KLHDC10: variants seen among roughly 807,000 people sequenced by gnomAD.
KLHDC10 encodes the protein kelch domain containing 10, also known as kelch domain-containing protein 10.
Under a neutral mutation model 56.1 loss-of-function variants are expected in KLHDC10, and 24 were observed. The ratio of observed to expected loss-of-function variants is 0.43; its 90% confidence interval spans 0.31 to 0.60. The LOEUF (loss-of-function observed/expected upper bound fraction) is 0.60. Ranked by LOEUF, KLHDC10 falls within the 20% of genes least tolerant of loss-of-function variation. KLHDC10 has a pLI of 0.11. For missense variants in KLHDC10, 349 were observed against 567.0 expected (o/e 0.62, Z 3.91); for synonymous variants, 188 against 207.1 (o/e 0.91, Z 0.79).
Position 130,083,507 on chromosome 7 carries a change from C to T in KLHDC10, c.166+12698C>T, listed in dbSNP as rs921308532. 3.3e-5 allele frequency among the ~76,000 whole-genome samples: 5 copies of T among 152,178 alleles called. No homozygotes were observed. In the East Asian group the frequency reaches 9.6e-4, roughly 29 times the overall value. On this transcript the variant is annotated intron_variant, in intron 1 of 9. Coordinates refer to ENST00000335420, the MANE Select transcript of KLHDC10 (RefSeq NM_014997.4). The stretch of plus-strand genomic sequence containing the variant: ...TAAAAACTTGGAATTTCCTGTGCTA[C>T]ACTGTTTTTTGATTCTGTACATACC...
At chr7:130,077,674 G>A (rs1795533125) in intron 1 of KLHDC10, among the ~76,000 whole-genome samples, 1 of 149,040 alleles carries the variant, frequency 6.7e-6, no homozygotes, top group African/African-American at 2.5e-5. Context: ...TCCTGCCTCA[G>A]CCTCCCAAGT....
intron 1 of KLHDC10, among the ~76,000 whole-genome samples, chr7:130,092,157 C>G (rs10954262): frequency 0.99 from 151,136 of 152,360 alleles, 74,979 homozygotes; most frequent in East Asian, 1. Context: ...CAGTACCACA[C>G]TTTTTGAATA....
At chr7:130,112,612 T>C (rs1311657600) in intron 2 of KLHDC10, among the ~76,000 whole-genome samples, 2 of 152,198 alleles carry the variant, frequency 1.3e-5, no homozygotes, top group African/African-American at 4.8e-5. Flanking sequence ...GAGGACCCTA[T>C]GCTATATTTC....
Position 130,124,536 on chromosome 7 carries a change from G to A in KLHDC10, c.864+1G>A. 6.5e-7 allele frequency: 1 copy of A among 1,527,780 alleles called. No homozygotes were observed. The highest frequency in any genetic ancestry group is 9.0e-7 in the Non-Finnish European group (1 of 1,105,312). The allele number at this position is 1,527,780 out of a possible 1,614,324, so 94.6% of individuals were successfully genotyped here. On this transcript the variant is annotated splice_donor_variant, in intron 6 of 9. Transcript: ENST00000335420. LOFTEE classifies it high-confidence loss of function. ...CTGGACAGCATATTCCTTAAACAAGGTATATTTTTTTAAAAAGAAAAAAAG... is the reference window on the plus strand; with the variant it reads ...CTGGACAGCATATTCCTTAAACAAGATATATTTTTTTAAAAAGAAAAAAAG...
intron 1 of KLHDC10, among the ~76,000 whole-genome samples, chr7:130,073,293 C>G (rs372306272): frequency 8.1e-6 from 1 of 122,956 alleles, no homozygotes; most frequent in Non-Finnish European, 1.7e-5. Flanking sequence ...TCCTATTTGT[C>G]TTTTTTTTTT....
intron 2 of KLHDC10, among the ~76,000 whole-genome samples, chr7:130,099,807 T>C (rs1243091414): frequency 6.6e-6 from 1 of 152,154 alleles, no homozygotes; most frequent in African/African-American, 2.4e-5. Context: ...GAGATTATTA[T>C]AGTTATTAGT....
At position 130,120,626 on chromosome 7, in the gene KLHDC10, G is replaced by T; in HGVS notation, c.476-123G>T. ...CTCAGCTACTAGTTAGATGTCAGTGGTTTGAGCTATCTTATGAGATCATTA... is the reference window on the plus strand; with the variant it reads ...CTCAGCTACTAGTTAGATGTCAGTGTTTTGAGCTATCTTATGAGATCATTA... On this transcript the variant is annotated intron_variant, in intron 3 of 9. Transcript: ENST00000335420. This position sits in a 1 kb window ranked among gnomAD's most constrained non-coding sequence, Gnocchi z 5.1. 2.0e-6 allele frequency: 2 copies of T among 1,000,350 alleles called. No homozygotes were observed. The highest frequency in any genetic ancestry group is 2.9e-6 in the Non-Finnish European group (2 of 683,684). 62.0% of individuals were successfully genotyped at this position (1,000,350 alleles called of 1,614,324 possible). A position where few individuals can be genotyped will look rare whatever the true frequency, so the allele number is the denominator to read the frequency against.
Position 130,102,146 on chromosome 7 carries a change from A to AGT in KLHDC10, c.253+5139_253+5140insGT, listed in dbSNP as rs1184260565. Reference sequence around the variant, plus strand: ...CAATACTGTCAAAATACAGCCTGCCAATTTTGGCAGTAATAAGGTCAAACT... The same window carrying AGT: ...CAATACTGTCAAAATACAGCCTGCCAGTATTTTGGCAGTAATAAGGTCAAACT... On this transcript the variant is annotated intron_variant, in intron 2 of 9. Coordinates refer to ENST00000335420, the MANE Select transcript of KLHDC10 (RefSeq NM_014997.4). 2.0e-5 allele frequency among the ~76,000 whole-genome samples: 3 copies of AGT among 152,226 alleles called. No individual in the cohort carries two copies. The East Asian group carries it at 5.8e-4, about 29-fold the overall frequency.
In KLHDC10 at chr7:130,135,039, G is replaced by A. The variant is rs1205712256; in HGVS notation, c.*4293G>A. ...GTGTTACGAACAGAAGTTCTGAGTT[G>A]TGCTACAAAAGTAGTTCCATCTTTT... On this transcript the variant is annotated 3_prime_UTR_variant, in exon 10 of 10. Coordinates refer to ENST00000335420, the MANE Select transcript of KLHDC10 (RefSeq NM_014997.4). 1 of 143,590 alleles carries A rather than the reference G, an allele frequency of 7.0e-6. No homozygotes were observed. Among genetic ancestry groups the A allele is most frequent in the Non-Finnish European group, 1.5e-5 (1 of 67,310 alleles). The allele number at this position is 143,590 out of a possible 1,614,324, so 8.9% of individuals were successfully genotyped here.
chr7:130,109,543 C>T (rs1796071826), intron 2 of KLHDC10, among the ~76,000 whole-genome samples: 1 of 152,146 alleles, frequency 6.6e-6, no homozygotes, highest in Non-Finnish European at 1.5e-5. Flanking sequence ...GATTATTAAC[C>T]CTATAAATAA....
rs1459446516 is a variant in KLHDC10 at position 130,131,375 on chromosome 7, A to G, written c.*629A>G. 1 of 152,298 alleles carries G rather than the reference A, an allele frequency of 6.6e-6. No homozygotes were observed. Among genetic ancestry groups the G allele is most frequent in the African/African-American group, 2.4e-5 (1 of 41,382 alleles). The allele number at this position is 152,298 out of a possible 1,614,324, so 9.4% of individuals were successfully genotyped here. A position where few individuals can be genotyped will look rare whatever the true frequency, so the allele number is the denominator to read the frequency against. The stretch of plus-strand genomic sequence containing the variant: ...TGAAGGAAGGTTAAGCAGCCCAGCA[A>G]CTCTTGGTTAGTGATTTCTTTCTCA... On this transcript the variant is annotated 3_prime_UTR_variant, in exon 10 of 10. Transcript: ENST00000335420.
At chr7:130,079,121 G>A (rs1001157813) in intron 1 of KLHDC10, among the ~76,000 whole-genome samples, 27 of 151,580 alleles carry the variant, frequency 1.8e-4, no homozygotes, top group African/African-American at 6.3e-4. Flanking sequence ...ACAGTGGCTC[G>A]ATCTTGGCCC....
At chr7:130,077,086 G>A (rs1467957810) in intron 1 of KLHDC10, among the ~76,000 whole-genome samples, 2 of 151,760 alleles carry the variant, frequency 1.3e-5, no homozygotes, top group Non-Finnish European at 2.9e-5. Context: ...CAGGCATGGG[G>A]GCTCACGCCT....
chr7:130,095,067 A>G (rs1055193461), intron 1 of KLHDC10: 3 of 152,082 alleles, frequency 2.0e-5, no homozygotes, highest in Admixed American at 2.0e-4. Context: ...CTTAAGGGCA[A>G]GGGAAGTTTC....
chr7:130,080,827 A>G (rs1325881239), intron 1 of KLHDC10, among the ~76,000 whole-genome samples: 1 of 152,198 alleles, frequency 6.6e-6, no homozygotes, highest in African/African-American at 2.4e-5. Flanking sequence ...CGAATTGACC[A>G]AGGTATTCTT....
rs1476338354 is a variant in KLHDC10 at position 130,134,478 on chromosome 7, T to G, written c.*3732T>G. 1 of 152,226 alleles carries G rather than the reference T, an allele frequency of 6.6e-6. No homozygotes were observed. The highest frequency in any genetic ancestry group is 1.5e-5 in the Non-Finnish European group (1 of 68,030). The allele number at this position is 152,226 out of a possible 1,614,324, so 9.4% of individuals were successfully genotyped here. A position where few individuals can be genotyped will look rare whatever the true frequency, so the allele number is the denominator to read the frequency against. ...TGCGACACAGAGGAAACTCCATTAT[T>G]TGAACACATTTCTTTGGCTCTTGAC... On this transcript the variant is annotated 3_prime_UTR_variant, in exon 10 of 10. Transcript: ENST00000335420.
intron 1 of KLHDC10, among the ~76,000 whole-genome samples, chr7:130,072,416 AC>A (rs1472204260): frequency 6.6e-6 from 1 of 152,214 alleles, no homozygotes; most frequent in Non-Finnish European, 1.5e-5. Context: ...AAGACCAAGA[AC>A]AGCCATTTAT....
chr7:130,081,116 A>G (rs1280956137), intron 1 of KLHDC10, among the ~76,000 whole-genome samples: 1 of 147,412 alleles, frequency 6.8e-6, no homozygotes, highest in Non-Finnish European at 1.5e-5. Flanking sequence ...CTCCTGCCTC[A>G]GCCTCCTGAG....
In KLHDC10 at chr7:130,133,659, C is replaced by G. The variant is rs1400697000; in HGVS notation, c.*2913C>G. 2.0e-5 allele frequency: 3 copies of G among 151,582 alleles called. No individual in the cohort carries two copies. The highest frequency in any genetic ancestry group is 4.8e-5 in the African/African-American group (2 of 41,366). 9.4% of individuals were successfully genotyped at this position (151,582 alleles called of 1,614,324 possible). ...TCTCCCTGTCATCTTTGTACTCTCT[C>G]ATGTTTGCATGTCTTACATTTTGTT... On this transcript the variant is annotated 3_prime_UTR_variant, in exon 10 of 10. Transcript: ENST00000335420.
Sources: gnomAD v4.1 joint callset for allele counts (sites outside exome capture counted in the v4.1 genomes callset) on GRCh38, gnomAD v4.1.1 for gene constraint, Gnocchi (gnomAD v3.1) non-coding constraint, MANE v1.5 for transcripts, NCBI Gene and HGNC (gene_info 2026-07-23, HGNC 2026-07-21) for gene names.